Variants in FSTL4 observed in about 807,000 individuals in gnomAD.
The protein encoded by FSTL4 is follistatin-related protein 4.
In FSTL4, 28 loss-of-function variants were observed where a neutral mutation model predicts 78.2. The observed-to-expected ratio is 0.36, with a 90% CI of 0.27 to 0.49. The LOEUF (loss-of-function observed/expected upper bound fraction) is 0.49, where lower values mean the gene tolerates loss of function less well. Ranked by LOEUF, FSTL4 falls within the 20% of genes least tolerant of loss-of-function variation. The pLI, the probability that FSTL4 is intolerant of heterozygous loss-of-function variation, is 0.98. For synonymous variants in FSTL4, 422 were observed against 440.5 expected (o/e 0.96, Z 0.53); for missense variants, 922 against 1,084.9 (o/e 0.85, Z 2.11).
intron 3 of FSTL4, among the ~76,000 whole-genome samples, chr5:133,488,499 C>T (rs751030332): frequency 4.6e-5 from 7 of 152,166 alleles, no homozygotes; most frequent in Admixed American, 2.0e-4. Context: ...AGTGATCTGC[C>T]CACCGCGGCC....
the FSTL4 span, among the ~76,000 whole-genome samples, chr5:133,656,097 A>G: frequency 6.6e-6 from 1 of 152,188 alleles, no homozygotes; most frequent in Non-Finnish European, 1.5e-5. Context: ...TTCTCCTAGA[A>G]GCAAACCTGA....
chr5:133,597,849 C>A (rs1472900579), intron 2 of FSTL4, among the ~76,000 whole-genome samples: 2 of 152,128 alleles, frequency 1.3e-5, no homozygotes, highest in Non-Finnish European at 2.9e-5. Flanking sequence ...AGAAGGGGAG[C>A]CACGGTGGTA....
chr5:133,460,175 A>G (rs1219254315), intron 3 of FSTL4, among the ~76,000 whole-genome samples: 3 of 152,034 alleles, frequency 2.0e-5, no homozygotes, highest in Non-Finnish European at 2.9e-5. Context: ...CACACTGTGG[A>G]GTGTACTTTC....
intron 3 of FSTL4, among the ~76,000 whole-genome samples, chr5:133,448,644 G>A (rs115903580): frequency 0.018 from 2,567 of 141,640 alleles, 69 homozygotes; most frequent in African/African-American, 0.061. Context: ...ACACACTAAC[G>A]TCCCCACTCT....
At chr5:133,538,022 G>A (rs796180947) in intron 3 of FSTL4, among the ~76,000 whole-genome samples, 18 of 152,122 alleles carry the variant, frequency 1.2e-4, no homozygotes, top group African/African-American at 4.3e-4. Flanking sequence ...GCCTCCTACA[G>A]TATAACTGTA....
the FSTL4 span, among the ~76,000 whole-genome samples, chr5:133,688,696 T>C: frequency 6.6e-6 from 1 of 152,198 alleles, no homozygotes; most frequent in African/African-American, 2.4e-5. Flanking sequence ...TCAGGACTCA[T>C]TTTTTTCTAA....
chr5:133,513,853 G>A (rs912346728), intron 3 of FSTL4, among the ~76,000 whole-genome samples: 2 of 152,122 alleles, frequency 1.3e-5, no homozygotes, highest in African/African-American at 4.8e-5. Context: ...AGAAGAAAAC[G>A]TAAGAGAACT....
intron 2 of FSTL4, among the ~76,000 whole-genome samples, chr5:133,597,518 A>C (rs929679942): frequency 2.6e-5 from 4 of 152,228 alleles, no homozygotes; most frequent in Admixed American, 1.3e-4. Flanking sequence ...TAGACAAGTA[A>C]ATGCTAAATT....
At chr5:133,706,817 C>G in the FSTL4 span, among the ~76,000 whole-genome samples, 1 of 152,168 alleles carries the variant, frequency 6.6e-6, no homozygotes, top group Admixed American at 6.5e-5. Flanking sequence ...CCGTGCAATA[C>G]TGCTCAGGGA....
intron 3 of FSTL4, among the ~76,000 whole-genome samples, chr5:133,450,101 T>C (rs1757351231): frequency 6.6e-6 from 1 of 152,200 alleles, no homozygotes; most frequent in African/African-American, 2.4e-5. Flanking sequence ...AAGAATTCTT[T>C]TTGCTAAGAG....
the FSTL4 span, among the ~76,000 whole-genome samples, chr5:133,760,131 G>A: frequency 2.0e-5 from 3 of 152,168 alleles, no homozygotes; most frequent in Admixed American, 2.0e-4. Flanking sequence ...GAGAGCATCA[G>A]CCCTGTCGTG....
chr5:133,754,879 T>A, the FSTL4 span, among the ~76,000 whole-genome samples: 3 of 151,856 alleles, frequency 2.0e-5, no homozygotes, highest in African/African-American at 7.3e-5. Flanking sequence ...CCTCCCACCT[T>A]CCCCCACACC....
At chr5:133,748,085 TC>T in the FSTL4 span, among the ~76,000 whole-genome samples, 1 of 151,732 alleles carries the variant, frequency 6.6e-6, no homozygotes, top group Non-Finnish European at 1.5e-5. Context: ...TCCCAGCTAC[TC>T]GAGAGGCTGA....
intron 4 of FSTL4, among the ~76,000 whole-genome samples, chr5:133,329,404 T>G (rs930447506): frequency 1.3e-5 from 2 of 151,956 alleles, no homozygotes; most frequent in African/African-American, 4.8e-5. Context: ...GAGAGAGATA[T>G]ATATATATTT....
the FSTL4 span, among the ~76,000 whole-genome samples, chr5:133,807,809 A>G: frequency 5.9e-5 from 9 of 152,218 alleles, no homozygotes; most frequent in African/African-American, 2.2e-4. Context: ...AGACAGCTTA[A>G]CTTATGAGTG....
At position 133,199,084 on chromosome 5, in the gene FSTL4, C is replaced by T. The variant is rs1335681671; in HGVS notation, c.*11G>A. 1.3e-6 allele frequency: 2 copies of T among 1,496,892 alleles called. No individual in the cohort carries two copies. Among genetic ancestry groups the T allele is most frequent in the Non-Finnish European group, 1.8e-6 (2 of 1,109,362 alleles). 92.7% of individuals were successfully genotyped at this position (1,496,892 alleles called of 1,614,324 possible). ...GGGTGTTCCTTGGCCCAGGGCTCTGCTCTGGGCCCTTCATACCTCACCCAC... is the reference window on the plus strand; with the variant it reads ...GGGTGTTCCTTGGCCCAGGGCTCTGTTCTGGGCCCTTCATACCTCACCCAC... On this transcript the variant is annotated 3_prime_UTR_variant, in exon 16 of 16. Coordinates refer to ENST00000265342, the MANE Select transcript of FSTL4 (RefSeq NM_015082.2). This position sits in a 1 kb window ranked among gnomAD's most constrained non-coding sequence, Gnocchi z 4.4.
intron 3 of FSTL4, among the ~76,000 whole-genome samples, chr5:133,565,779 C>T (rs528558114): frequency 2.0e-5 from 3 of 152,204 alleles, no homozygotes; most frequent in African/African-American, 7.2e-5. Context: ...ATTTTCAACA[C>T]AAGGACAGTA....
chr5:133,299,961 C>T (rs1046156004), intron 6 of FSTL4, among the ~76,000 whole-genome samples: 8 of 152,212 alleles, frequency 5.3e-5, no homozygotes, highest in Non-Finnish European at 1.0e-4. Flanking sequence ...ACTATTGCTC[C>T]TTTTCCAAAG....
chr5:133,694,576 T>G, the FSTL4 span, among the ~76,000 whole-genome samples: 1 of 152,350 alleles, frequency 6.6e-6, no homozygotes, highest in African/African-American at 2.4e-5. Context: ...CATACACACA[T>G]AAGCATGAGC....
Sources: gnomAD v4.1 joint callset for allele counts (sites outside exome capture counted in the v4.1 genomes callset) on GRCh38, gnomAD v4.1.1 for gene constraint, Gnocchi (gnomAD v3.1) non-coding constraint, MANE v1.5 for transcripts, NCBI Gene and HGNC (gene_info 2026-07-23, HGNC 2026-07-21) for gene names.